ARAF: variants seen among roughly 807,000 people sequenced by gnomAD.
ARAF encodes the protein A-Raf proto-oncogene, serine/threonine kinase, also known as serine/threonine-protein kinase A-Raf.
A neutral mutation model predicts 48.0 loss-of-function variants in ARAF; 18 were observed. That is an observed-to-expected ratio of 0.37 (90% CI 0.26 to 0.56). The LOEUF (loss-of-function observed/expected upper bound fraction) is 0.56. ARAF is among the 20% of genes least tolerant of loss of function. The pLI is 0.77. For synonymous variants in ARAF, 207 were observed against 220.1 expected (o/e 0.94, Z 0.53); for missense variants, 389 against 543.1 (o/e 0.72, Z 2.82).
rs1469300595 is a variant in ARAF at position 47,567,424 on chromosome X, G to A, written c.1068G>A (p.Gln356=). The change falls in exon 10 of 16, where the codon CAG becomes CAA. Residue 356 remains glutamine (Q), a synonymous_variant. Coordinates refer to ENST00000377045, the MANE Select transcript of ARAF (RefSeq NM_001654.5). Reference sequence around the variant, plus strand: ...CCCAGGCTTTCAAGAATGAGATGCAGGTGCTCAGGTGAGGTGGCATGTGTG... The same window carrying A: ...CCCAGGCTTTCAAGAATGAGATGCAAGTGCTCAGGTGAGGTGGCATGTGTG... ...EQAQAFKNEM[Q]VLRKTRHVNI... 3.3e-6 allele frequency: 4 copies of A among 1,200,381 alleles called. No individual in the cohort carries two copies. Among genetic ancestry groups the A allele is most frequent in the Non-Finnish European group, 4.5e-6 (4 of 890,344 alleles).
At position 47,571,010 on chromosome X, in the gene ARAF, C is replaced by T. The variant is rs760847926; in HGVS notation, c.1684C>T (p.Gln562Ter). Residue 562 changes from glutamine to a stop codon, truncating the protein, a stop_gained and splice_region_variant, in exon 15 of 16, where the codon CAG (glutamine) becomes TAG (stop). Coordinates refer to ENST00000377045, the MANE Select transcript of ARAF (RefSeq NM_001654.5). LOFTEE classifies it high-confidence loss of function. ...GCGGGAGGAGCGGCCCCTCTTCCCC[C>T]AGGTGGGCTGGGTAGGGGGCTGGAC... ...FQREERPLFP[Q>*]ILATIELLQR... The T allele has an allele frequency of 8.3e-7, 1 of 1,210,617 alleles. No individual in the cohort carries two copies. Among genetic ancestry groups the T allele is most frequent in the Non-Finnish European group, 1.1e-6 (1 of 894,806 alleles).
At chrX:47,569,283 G>A (rs1195977578) in intron 12 of ARAF, among the ~76,000 whole-genome samples, 2 of 111,971 alleles carry the variant, frequency 1.8e-5, no homozygotes, top group African/African-American at 6.5e-5. Flanking sequence ...GGGCATTATG[G>A]TCAACATCAG....
intron 12 of ARAF, 94 bp downstream of exon 12, chrX:47,569,127 C>A: frequency 9.5e-7 from 1 of 1,057,173 alleles, no homozygotes; most frequent in Non-Finnish European, 1.3e-6. Context: ...AAGGGAGGGG[C>A]ATGTGTCCCA....
At chrX:47,562,485 G>GA (rs34574198) in intron 1 of ARAF, among the ~76,000 whole-genome samples, 874 of 58,951 alleles carry the variant, frequency 0.015, 8 homozygotes, top group Non-Finnish European at 0.022. Context: ...AACTCTGTCA[G>GA]AAAAAAAAAA....
chrX:47,562,513 A>C (rs190764446), intron 1 of ARAF, among the ~76,000 whole-genome samples: 251 of 108,766 alleles, frequency 2.3e-3, no homozygotes, highest in African/African-American at 7.7e-3. Flanking sequence ...AAAAAAAAAA[A>C]AAAAAACCCA....
At chrX:47,561,547 T>C (rs1216840314) in intron 1 of ARAF, among the ~76,000 whole-genome samples, 1 of 111,528 alleles carries the variant, frequency 9.0e-6, no homozygotes, top group Non-Finnish European at 1.9e-5. Flanking sequence ...GGTGCCGGGA[T>C]TCCGTCTTAA....
chrX:47,569,756 T>G (rs2057747581), intron 13 of ARAF, 99 bp downstream of exon 13: 1 of 1,089,105 alleles, frequency 9.2e-7, no homozygotes, highest in Admixed American at 2.4e-5. Context: ...GTGCCAGATG[T>G]GGGTGTCTGG....
chrX:47,569,309 G>A (rs1261317375), intron 12 of ARAF: 9 of 457,120 alleles, frequency 2.0e-5, no homozygotes, highest in Non-Finnish European at 2.6e-5. Context: ...TAGTGGGTTC[G>A]GATGCCCTCC....
rs763988785 is a variant in ARAF, at chrX:47,564,965, T to A, written c.304-20T>A. On this transcript the variant is annotated intron_variant, in intron 4 of 15. Coordinates refer to ENST00000377045, the MANE Select transcript of ARAF (RefSeq NM_001654.5). ...GGTGTCCTTGACCAGGTCTCAAACT[T>A]CCCTGCTCTGTGGCATCAGGTACGG... is the stretch of plus-strand genomic sequence containing the variant. 1 of 1,211,742 alleles carries A rather than the reference T, an allele frequency of 8.3e-7. No individual in the cohort carries two copies. Among genetic ancestry groups the A allele is most frequent in the African/African-American group, 1.7e-5 (1 of 57,811 alleles).
At chrX:47,569,390 G>A (rs747761715) in intron 12 of ARAF, 149 bp from the exon 13 acceptor site, 8 of 515,363 alleles carry the variant, frequency 1.6e-5, no homozygotes, top group African/African-American at 2.4e-5. Context: ...CCCTGCCCAC[G>A]TCAAGGTTGT....
intron 11 of ARAF, 28 bp downstream of exon 11, chrX:47,568,922 G>C: frequency 1.7e-6 from 2 of 1,202,575 alleles, no homozygotes; most frequent in Non-Finnish European, 2.2e-6. Context: ...GGGAGGGGTG[G>C]GGGGAAAGGG....
At position 47,571,356 on chromosome X, in the gene ARAF, C is replaced by A. The variant is rs1189502973; in HGVS notation, c.1720C>A (p.Leu574Ile). The change falls in exon 16 of 16, where the codon CTC becomes ATC. Residue 574 changes from leucine to isoleucine, a missense_variant. By Grantham distance (5) the Leu-to-Ile change is conservative (BLOSUM62 2). Transcript: ENST00000377045. Reference sequence around the variant, plus strand: ...CACAATTGAGCTGCTGCAACGGTCACTCCCCAAGATTGAGCGGAGTGCCTC... The same window carrying A: ...CACAATTGAGCTGCTGCAACGGTCAATCCCCAAGATTGAGCGGAGTGCCTC... ...LATIELLQRSLPKIERSASEP... is the reference protein window; with the variant it reads ...LATIELLQRSIPKIERSASEP... 8.3e-7 allele frequency: 1 copy of A among 1,208,902 alleles called. No individual in the cohort carries two copies. Among genetic ancestry groups the A allele is most frequent in the Non-Finnish European group, 1.1e-6 (1 of 894,784 alleles).
chrX:47,567,527 C>A, intron 10 of ARAF, 95 bp downstream of exon 10: 1 of 958,976 alleles, frequency 1.0e-6, no homozygotes, highest in Non-Finnish European at 1.4e-6. Context: ...TGGACATCAC[C>A]TGTGTTTGTG....
chrX:47,561,933 C>T (rs1364419843), intron 1 of ARAF, among the ~76,000 whole-genome samples: 1 of 104,245 alleles, frequency 9.6e-6, no homozygotes, highest in Non-Finnish European at 2.0e-5. Context: ...TCCCTAGTGA[C>T]GCCTGTTACA....
At position 47,571,725 on chromosome X, in the gene ARAF, A is replaced by C; in HGVS notation, c.*268A>C. The stretch of plus-strand genomic sequence containing the variant: ...AATTTTGGGAGCTCCTCCATCTCCA[A>C]TGGCTGGGATTTGTGGCAGGGATTC... On this transcript the variant is annotated 3_prime_UTR_variant, in exon 16 of 16. Transcript: ENST00000377045. 1 of 334,794 alleles carries C rather than the reference A, an allele frequency of 3.0e-6. No homozygotes were observed. 27.6% of individuals were successfully genotyped at this position (334,794 alleles called of 1,213,427 possible).
intron 10 of ARAF, 31 bp downstream of exon 10, chrX:47,567,463 G>T: frequency 8.5e-7 from 1 of 1,170,684 alleles, no homozygotes; most frequent in Admixed American, 2.4e-5. Context: ...GGATGGGGGT[G>T]GCAGGCCCGG....
rs1372739228 is a variant in ARAF, at chrX:47,571,105, GGTATA to G, written c.1686+96_1686+100del. On this transcript the variant is annotated intron_variant, in intron 15 of 15. Transcript: ENST00000377045. Reference sequence around the variant, plus strand: ...GCAGATGTGAATATGAAAGCTCAGAGGTATAGTGTGTGTGTGTGTGTGTGTGTGTG... The same window carrying G: ...GCAGATGTGAATATGAAAGCTCAGAGGTGTGTGTGTGTGTGTGTGTGTGTG... 4.1e-5 allele frequency: 43 copies of G among 1,040,254 alleles called. No individual in the cohort carries two copies. The Admixed American group carries it at 7.7e-4, about 19-fold the overall frequency. The allele number at this position is 1,040,254 out of a possible 1,213,427, so 85.7% of individuals were successfully genotyped here. A position where few individuals can be genotyped will look rare whatever the true frequency, so the allele number is the denominator to read the frequency against.
At chrX:47,564,672 G>A in intron 3 of ARAF, 125 bp from the exon 4 acceptor site, 2 of 521,411 alleles carry the variant, frequency 3.8e-6, no homozygotes, top group Non-Finnish European at 6.5e-6. Flanking sequence ...GAGTTGCTGT[G>A]ATGAGAATTA....
chrX:47,561,836 TA>T (rs1350757319), intron 1 of ARAF, among the ~76,000 whole-genome samples: 3 of 108,599 alleles, frequency 2.8e-5, no homozygotes, highest in African/African-American at 1.0e-4. Flanking sequence ...CTCCTTTTGC[TA>T]TGACAATGTC....
Sources: gnomAD v4.1 joint callset for allele counts (sites outside exome capture counted in the v4.1 genomes callset) on GRCh38, gnomAD v4.1.1 for gene constraint, MANE v1.5 for transcripts, NCBI Gene and HGNC (gene_info 2026-07-23, HGNC 2026-07-21) for gene names.